Variants in SYTL3 observed in about 807,000 individuals in gnomAD.
The protein encoded by SYTL3 is synaptotagmin like 3, also known as synaptotagmin-like protein 3.
SYTL3 carries 88 observed loss-of-function variants against 82.1 expected under a neutral mutation model. That is an observed-to-expected ratio of 1.07 (90% CI 0.90 to 1.28). The LOEUF (loss-of-function observed/expected upper bound fraction) is 1.28, where lower values mean the gene tolerates loss of function less well. Ranked by LOEUF, SYTL3 falls within the 50% of genes most tolerant of loss-of-function variation. The pLI is 0.00. For synonymous variants in SYTL3, 311 were observed against 289.4 expected, an observed-to-expected ratio of 1.07 and a Z score of -0.76; for missense variants, 831 against 757.6, an observed-to-expected ratio of 1.10 and a Z score of -1.14.
intron 5 of SYTL3, among the ~76,000 whole-genome samples, chr6:158,671,877 TACA>T (rs1357348498): frequency 6.6e-6 from 1 of 152,224 alleles, no homozygotes; most frequent in African/African-American, 2.4e-5. Flanking sequence ...TGATTATATT[TACA>T]ACAATATTTT....
chr6:158,762,188 C>T lies in SYTL3; in HGVS notation c.1517+10C>T, dbSNP rs376169079. 11 of 1,580,796 alleles carry T rather than the reference C, an allele frequency of 7.0e-6. No homozygotes were observed. Among genetic ancestry groups the T allele is most frequent in the African/African-American group, 5.4e-5 (4 of 73,856 alleles). On this transcript the variant is annotated intron_variant, in intron 16 of 17. Coordinates refer to ENST00000611299, the MANE Select transcript of SYTL3 (RefSeq NM_001242394.2). ...ACTCATTTGTTAAGGGGTAGGTATTCGATGTAATCAAATATTTATTGGTGA... is the reference window on the plus strand; with the variant it reads ...ACTCATTTGTTAAGGGGTAGGTATTTGATGTAATCAAATATTTATTGGTGA...
chr6:158,693,855 C>CTTTTCTTTTTTTTT (rs71030191), intron 6 of SYTL3, among the ~76,000 whole-genome samples: 1 of 96,866 alleles, frequency 1.0e-5, no homozygotes, highest in Non-Finnish European at 1.9e-5. Flanking sequence ...TTTTTCTTTT[C>CTTTTCTTTTTTTTT]TTTTTTTTTT....
rs189849445 is a variant in SYTL3 at position 158,660,919 on chromosome 6, G to C, written c.-636-350G>C. 2.0e-4 allele frequency among the ~76,000 whole-genome samples: 30 copies of C among 152,258 alleles called. No individual in the cohort carries two copies. The East Asian group carries it at 4.6e-3, about 24-fold the overall frequency. ...AAAATTAAAACATTAGCTAGGCATG[G>C]TAGCCCGCACCTGTAGTCCCAGCTA... On this transcript the variant is annotated intron_variant, in intron 2 of 17. Transcript: ENST00000611299.
upstream of SYTL3, among the ~76,000 whole-genome samples, chr6:158,647,706 T>C (rs138028288): frequency 1.9e-4 from 29 of 152,380 alleles, no homozygotes; most frequent in African/African-American, 7.0e-4. Context: ...TCAGAAGCAT[T>C]GGAGCTCAGA....
chr6:158,759,423 C>A (rs180994669), intron 14 of SYTL3, among the ~76,000 whole-genome samples: 1 of 152,368 alleles, frequency 6.6e-6, no homozygotes, highest in Non-Finnish European at 1.5e-5. Context: ...CCTGAGGCCT[C>A]TGAGGGTAAC....
intron 5 of SYTL3, among the ~76,000 whole-genome samples, chr6:158,666,693 ACAGTGTGGG>A (rs1239618183): frequency 6.6e-6 from 1 of 152,234 alleles, no homozygotes; most frequent in Non-Finnish European, 1.5e-5. Context: ...AGGCACTTAC[ACAGTGTGGG>A]CATTGTGGCT....
At chr6:158,717,291 TAG>T (rs34453822) in intron 9 of SYTL3, among the ~76,000 whole-genome samples, 21,295 of 145,612 alleles carry the variant, frequency 0.15, 1,718 homozygotes, top group South Asian at 0.33. Context: ...AATAAGTAAA[TAG>T]AGTTAATTTT....
At position 158,743,380 on chromosome 6, in the gene SYTL3, C is replaced by G. The variant is rs115579892; in HGVS notation, c.856-2100C>G. On this transcript the variant is annotated intron_variant, in intron 11 of 17. Coordinates refer to ENST00000611299, the MANE Select transcript of SYTL3 (RefSeq NM_001242394.2). ...TAGTTTAGTTGTTTAATTCAGCTTT[C>G]TAATTGTTCTCAGCAGAAAAGTGTG... Among the ~76,000 whole-genome samples the G allele has an allele frequency of 3.3e-3, 506 of 152,298 alleles. 2 individuals are homozygous for G. Among genetic ancestry groups the G allele is most frequent in the African/African-American group, 0.011 (455 of 41,542 alleles).
In SYTL3 at chr6:158,694,755, G is replaced by A. The variant is rs1278522429; in HGVS notation, c.394+11766G>A. 2.6e-5 allele frequency among the ~76,000 whole-genome samples: 4 copies of A among 152,218 alleles called. No individual in the cohort carries two copies. The South Asian group carries it at 8.3e-4, about 32-fold the overall frequency. On this transcript the variant is annotated intron_variant, in intron 6 of 17. Transcript: ENST00000611299. The stretch of plus-strand genomic sequence containing the variant: ...TTAACTGGATGACTGGAGTTTCCCC[G>A]ATGCTTTCTGAGCGCCTGCGTTCCT...
At chr6:158,663,665 C>A in intron 4 of SYTL3, 1 of 940,222 alleles carries the variant, frequency 1.1e-6, no homozygotes, top group Non-Finnish European at 1.3e-6. Flanking sequence ...TGTTTGCCGA[C>A]TTCGTGGGAA....
chr6:158,742,199 A>T (rs1787014597), intron 11 of SYTL3, among the ~76,000 whole-genome samples: 1 of 152,264 alleles, frequency 6.6e-6, no homozygotes, highest in South Asian at 2.1e-4. Flanking sequence ...TAAAGCGAGA[A>T]ATGCCCATTA....
At chr6:158,706,030 C>T (rs528469158) in intron 6 of SYTL3, among the ~76,000 whole-genome samples, 5 of 152,238 alleles carry the variant, frequency 3.3e-5, no homozygotes, top group African/African-American at 1.2e-4. Context: ...TGGTCCCTGA[C>T]CAGCTGGTCC....
intron 9 of SYTL3, 141 bp downstream of exon 9, chr6:158,714,019 C>T (rs1562411964): frequency 1.5e-6 from 1 of 662,032 alleles, no homozygotes. Flanking sequence ...AAAGCCACAG[C>T]ACCTGGCCCT....
At chr6:158,666,511 G>A (rs1223151053) in intron 5 of SYTL3, among the ~76,000 whole-genome samples, 1 of 152,206 alleles carries the variant, frequency 6.6e-6, no homozygotes, top group Non-Finnish European at 1.5e-5. Context: ...AAACACTAGA[G>A]GGGTGACTCC....
intron 11 of SYTL3, among the ~76,000 whole-genome samples, chr6:158,736,116 C>A (rs1347273823): frequency 6.6e-6 from 1 of 152,174 alleles, no homozygotes; most frequent in Non-Finnish European, 1.5e-5. Flanking sequence ...CTTTGGGAGG[C>A]CAGGGCGGGT....
At chr6:158,725,322 T>TGTGC (rs1784583403) in intron 10 of SYTL3, among the ~76,000 whole-genome samples, 181 bp from the exon 11 acceptor site, 1 of 151,776 alleles carries the variant, frequency 6.6e-6, no homozygotes, top group Non-Finnish European at 1.5e-5. Context: ...GTGGTGTGTG[T>TGTGC]GTGCGTGTGT....
intron 11 of SYTL3, among the ~76,000 whole-genome samples, chr6:158,743,390 T>C (rs1179849655): frequency 6.6e-6 from 1 of 152,230 alleles, no homozygotes; most frequent in Non-Finnish European, 1.5e-5. Flanking sequence ...CTAATTGTTC[T>C]CAGCAGAAAA....
intron 5 of SYTL3, among the ~76,000 whole-genome samples, chr6:158,674,085 A>AAATAATAATAATAAT (rs71298903): frequency 3.5e-4 from 44 of 126,048 alleles, no homozygotes; most frequent in African/African-American, 1.2e-3. Context: ...CTGTGTCTCA[A>AAATAATAATAATAAT]AATAATAATA....
chr6:158,680,575 C>CAAAAA (rs71297002), intron 5 of SYTL3, among the ~76,000 whole-genome samples: 1,002 of 78,154 alleles, frequency 0.013, 17 homozygotes, highest in South Asian at 0.034. Flanking sequence ...CCCGTCTCTA[C>CAAAAA]AAAAAAAAAA....
Sources: allele counts gnomAD v4.1 joint callset (sites outside exome capture counted in the v4.1 genomes callset), GRCh38; gene constraint gnomAD v4.1.1; transcripts MANE v1.5; gene names NCBI Gene and HGNC (gene_info 2026-07-23, HGNC 2026-07-21).